MMP17: variants seen among roughly 807,000 people sequenced by gnomAD.
MMP17 encodes the protein matrix metalloproteinase-17.
A neutral mutation model predicts 49.1 loss-of-function variants in MMP17; 54 were observed. The ratio of observed to expected loss-of-function variants is 1.10; its 90% CI spans 0.88 to 1.38. The LOEUF (loss-of-function observed/expected upper bound fraction) is 1.38. Ranked by LOEUF, MMP17 falls within the 40% of genes most tolerant of loss-of-function variation. MMP17 has a pLI of 0.00. For synonymous variants in MMP17, 397 were observed against 383.1 expected (o/e 1.04, Z -0.42); for missense variants, 837 against 853.7 (o/e 0.98, Z 0.24).
chr12:131,847,412 CAAAAAAAAAA>C (rs543194949), intron 8 of MMP17, among the ~76,000 whole-genome samples: 1 of 66,930 alleles, frequency 1.5e-5, no homozygotes, highest in Non-Finnish European at 3.4e-5. Flanking sequence ...GACTCCGTCT[CAAAAAAAAAA>C]AAAAAAAATC....
At chr12:131,829,653 G>A (rs1017992786) in intron 1 of MMP17, among the ~76,000 whole-genome samples, 2 of 152,232 alleles carry the variant, frequency 1.3e-5, no homozygotes, top group South Asian at 2.1e-4. Flanking sequence ...AGGGCCCCTC[G>A]CCCAGCGCAG....
Position 131,851,019 on chromosome 12 carries a change from CTGGCTGG to C in MMP17, c.1560_1566del (p.Trp520CysfsTer80). 6.2e-7 allele frequency: 1 copy of C among 1,608,126 alleles called. No homozygotes were observed. The highest frequency in any genetic ancestry group is 8.5e-7 in the Non-Finnish European group (1 of 1,177,612). ...GGTACCCACAGTCCACGGCCCGGGACTGGCTGGTGTGTGGAGACTCACAGGCCGATGG... is the reference window on the plus strand; with the variant it reads ...GGTACCCACAGTCCACGGCCCGGGACTGTGTGGAGACTCACAGGCCGATGG... On this transcript the variant is annotated frameshift_variant, in exon 10 of 10. Transcript: ENST00000360564. LOFTEE classifies it low-confidence loss of function (END_TRUNC).
intron 8 of MMP17, 25 bp from the exon 9 acceptor site, chr12:131,849,777 C>T: frequency 6.3e-7 from 1 of 1,599,636 alleles, no homozygotes; most frequent in Non-Finnish European, 8.5e-7. Context: ...GAGCCCCGGC[C>T]CACAGCTGTT....
chr12:131,845,934 G>C (rs1887682393), intron 8 of MMP17, among the ~76,000 whole-genome samples: 1 of 152,206 alleles, frequency 6.6e-6, no homozygotes. Flanking sequence ...CGGGACAGAA[G>C]CGTGAGGGGC....
In MMP17 at chr12:131,851,316, G is replaced by A; in HGVS notation, c.*42G>A. 1 of 1,354,858 alleles carries A rather than the reference G, an allele frequency of 7.4e-7. No homozygotes were observed. The highest frequency in any genetic ancestry group is 9.5e-7 in the Non-Finnish European group (1 of 1,050,678). The allele number at this position is 1,354,858 out of a possible 1,614,324, so 83.9% of individuals were successfully genotyped here. On this transcript the variant is annotated 3_prime_UTR_variant, in exon 10 of 10. Coordinates refer to ENST00000360564, the MANE Select transcript of MMP17 (RefSeq NM_016155.7). Reference sequence around the variant, plus strand: ...ATGAGAGGACAGAGGCGGTGGGACAGCCTGGCCACAGAGGGCAAGGACTGT... The same window carrying A: ...ATGAGAGGACAGAGGCGGTGGGACAACCTGGCCACAGAGGGCAAGGACTGT...
intron 8 of MMP17, among the ~76,000 whole-genome samples, chr12:131,847,269 C>T (rs561503810): frequency 6.6e-5 from 10 of 151,960 alleles, no homozygotes; most frequent in South Asian, 6.2e-4. Context: ...AAAAATTTGC[C>T]GGGCGTGGTG....
At chr12:131,844,122 C>T in intron 6 of MMP17, 41 bp downstream of exon 6, 1 of 1,480,426 alleles carries the variant, frequency 6.8e-7, no homozygotes, top group Non-Finnish European at 9.1e-7. Flanking sequence ...TGGGGTCTGT[C>T]TGTCCTCATC....
At chr12:131,838,912 G>A (rs373067636) in intron 3 of MMP17, among the ~76,000 whole-genome samples, 171 bp downstream of exon 3, 2 of 150,288 alleles carry the variant, frequency 1.3e-5, no homozygotes, top group African/African-American at 4.9e-5. Context: ...GGAGGTGGGC[G>A]CGTGGCCAGG....
intron 1 of MMP17, among the ~76,000 whole-genome samples, chr12:131,837,109 T>C (rs1195258557): frequency 6.6e-6 from 1 of 152,202 alleles, no homozygotes; most frequent in African/African-American, 2.4e-5. Context: ...CAGTGGGCCC[T>C]TCAGAGCAGA....
chr12:131,841,716 C>A lies in MMP17; in HGVS notation c.799C>A (p.Arg267=), dbSNP rs774471246. The change falls in exon 5 of 10, where the codon CGG becomes AGG. Residue 267 remains arginine (R), a synonymous_variant. Transcript: ENST00000360564. The part of the protein sequence containing the change: ...SHVAAAHSIM[R]PYYQGPVGDP... ...TGTGGCCGCTGCACACTCCATCATG[C>A]GGCCGTACTACCAGGGCCCGGTGGG... 6.2e-7 allele frequency: 1 copy of A among 1,613,720 alleles called. No individual in the cohort carries two copies. The highest frequency in any genetic ancestry group is 8.5e-7 in the Non-Finnish European group (1 of 1,179,956).
chr12:131,834,872 G>A (rs900738816), intron 1 of MMP17, among the ~76,000 whole-genome samples: 4 of 152,018 alleles, frequency 2.6e-5, no homozygotes, highest in South Asian at 4.1e-4. Context: ...GCTGCCTGCC[G>A]CCTCTTCCCT....
intron 1 of MMP17, among the ~76,000 whole-genome samples, chr12:131,830,027 T>G (rs1886712168): frequency 6.6e-6 from 1 of 152,274 alleles, no homozygotes; most frequent in East Asian, 1.9e-4. Context: ...CCTGGGGGCC[T>G]GGGGTCTCCA....
intron 8 of MMP17, among the ~76,000 whole-genome samples, chr12:131,849,121 T>A (rs183537618): frequency 1.3e-5 from 2 of 152,180 alleles, no homozygotes; most frequent in Middle Eastern, 3.4e-3. Context: ...CTCATTGTGG[T>A]TTTGAGGGCG....
chr12:131,844,213 G>C (rs1193089386), intron 6 of MMP17, 132 bp downstream of exon 6: 1 of 741,288 alleles, frequency 1.3e-6, no homozygotes, highest in Non-Finnish European at 2.2e-6. Context: ...TGAGCCCCCA[G>C]TGACATTTTG....
intron 3 of MMP17, chr12:131,840,033 C>T (rs1887301981): frequency 6.6e-6 from 1 of 152,544 alleles, no homozygotes; most frequent in Non-Finnish European, 1.5e-5. Flanking sequence ...AGCAATCTGC[C>T]CACCCTGGCC....
chr12:131,848,982 T>C (rs777300065), intron 8 of MMP17, among the ~76,000 whole-genome samples: 10 of 152,206 alleles, frequency 6.6e-5, no homozygotes, highest in Non-Finnish European at 1.0e-4. Context: ...TTGGGGAGCC[T>C]ATGTTCTGTC....
At chr12:131,845,762 A>G (rs1384682183) in intron 8 of MMP17, among the ~76,000 whole-genome samples, 1 of 152,158 alleles carries the variant, frequency 6.6e-6, no homozygotes, top group Non-Finnish European at 1.5e-5. Context: ...TCAGAAATGA[A>G]GGACAATGGG....
intron 8 of MMP17, 44 bp downstream of exon 8, chr12:131,845,493 T>A: frequency 6.6e-7 from 1 of 1,525,654 alleles, no homozygotes; most frequent in Non-Finnish European, 8.8e-7. Context: ...CCGGGCCCTC[T>A]GTCCGCCTCA....
chr12:131,844,934 C>G, intron 6 of MMP17, 184 bp from the exon 7 acceptor site: 18 of 613,502 alleles, frequency 2.9e-5, no homozygotes, highest in South Asian at 3.8e-5. Context: ...TCGGCCCCCG[C>G]CCGCTGAAGC....
Sources: gnomAD v4.1 joint callset for allele counts (sites outside exome capture counted in the v4.1 genomes callset) on GRCh38, gnomAD v4.1.1 for gene constraint, MANE v1.5 for transcripts, NCBI Gene and HGNC (gene_info 2026-07-23, HGNC 2026-07-21) for gene names.